Variants in PGA5 observed in about 807,000 individuals in gnomAD.
PGA5 encodes pepsin A-5.
PGA5 carries 19 observed loss-of-function variants against 15.9 expected under a neutral mutation model. That is an observed-to-expected ratio of 1.19 (90% confidence interval 0.83 to 1.75). The LOEUF (loss-of-function observed/expected upper bound fraction) is 1.75. Among genes scored for constraint, PGA5 ranks in the 40% most tolerant of loss-of-function variants. PGA5 has a pLI of 0.00. For synonymous variants in PGA5, 92 were observed against 95.8 expected (o/e 0.96, Z 0.23); for missense variants, 224 against 246.4 (o/e 0.91, Z 0.61).
intron 5 of PGA5, among the ~76,000 whole-genome samples, chr11:61,246,689 G>A (rs935159301): frequency 5.3e-5 from 8 of 151,872 alleles, no homozygotes; most frequent in Non-Finnish European, 8.8e-5. Context: ...GCTTGAGCCT[G>A]GGAGGCATAG....
chr11:61,249,794 G>C lies in PGA5; in HGVS notation c.899G>C (p.Ser300Thr). 1 of 1,613,688 alleles carries C rather than the reference G, an allele frequency of 6.2e-7. No homozygotes were observed. The highest frequency in any genetic ancestry group is 8.5e-7 in the Non-Finnish European group (1 of 1,179,862). The change falls in exon 7 of 9, where the codon AGC (serine) becomes ACC (threonine). Residue 300 changes from serine to threonine, a missense_variant. Ser to Thr is a moderately conservative substitution (Grantham distance 58, BLOSUM62 1). Transcript: ENST00000312403. ...AACATCCAGAGCGACATCGGAGCCA[G>C]CGAGAACTCAGATGGCGACGTGAGT... Reference protein sequence around the residue: ...IANIQSDIGASENSDGDMVVS... With the variant: ...IANIQSDIGATENSDGDMVVS...
intron 8 of PGA5, chr11:61,250,692 G>T (rs748883924): frequency 6.5e-6 from 3 of 464,446 alleles, no homozygotes; most frequent in African/African-American, 4.0e-5. Flanking sequence ...GGCTGCGGGG[G>T]TTCAAAGCTC....
At chr11:61,248,873 A>C (rs1053759562) in intron 6 of PGA5, among the ~76,000 whole-genome samples, 9 of 152,104 alleles carry the variant, frequency 5.9e-5, no homozygotes, top group African/African-American at 1.2e-4. Context: ...GGCTGTGAAC[A>C]AGCACACGCT....
At position 61,249,932 on chromosome 11, in the gene PGA5, C is replaced by T; in HGVS notation, c.935C>T (p.Ser312Leu). Residue 312 changes from serine to leucine, a missense_variant, in exon 8 of 9, where the codon TCA becomes TTA. Coordinates refer to ENST00000312403, the MANE Select transcript of PGA5 (RefSeq NM_014224.5). The part of the protein sequence containing the change: ...NSDGDMVVSC[S>L]AISSLPDIVF... ...TCTTTCCAGATGGTGGTCAGCTGCTCAGCCATCAGCAGCCTGCCCGACATC... is the reference window on the plus strand; with the variant it reads ...TCTTTCCAGATGGTGGTCAGCTGCTTAGCCATCAGCAGCCTGCCCGACATC... The T allele has an allele frequency of 6.2e-7, 1 of 1,613,424 alleles. No individual in the cohort carries two copies. The highest frequency in any genetic ancestry group is 8.5e-7 in the Non-Finnish European group (1 of 1,179,790).
chr11:61,248,006 T>G (rs1411979320), intron 5 of PGA5: 2 of 594,120 alleles, frequency 3.4e-6, no homozygotes, highest in Non-Finnish European at 6.0e-6. Flanking sequence ...GCAAAACTGC[T>G]CCCAGCTAAG....
intron 5 of PGA5, 146 bp downstream of exon 5, chr11:61,246,291 A>G: frequency 3.3e-6 from 1 of 302,828 alleles, no homozygotes; most frequent in South Asian, 2.9e-5. Context: ...AGGCTGGAGA[A>G]GTGTGTCTTT....
chr11:61,247,110 C>G (rs967192705), intron 5 of PGA5, among the ~76,000 whole-genome samples: 2 of 151,964 alleles, frequency 1.3e-5, no homozygotes, highest in Non-Finnish European at 2.9e-5. Flanking sequence ...TCACCTACAT[C>G]GTCCTCTCTT....
chr11:61,248,503 C>T lies in PGA5; in HGVS notation c.741C>T (p.Thr247=), dbSNP rs756096360. Residue 247 remains threonine (T), a synonymous_variant, in exon 6 of 9, where the codon ACC becomes ACT. Coordinates refer to ENST00000312403, the MANE Select transcript of PGA5 (RefSeq NM_014224.5). Reference sequence around the variant, plus strand: ...GAAGTCTGAACTGGGTGCCTGTTACCGTCGAGGGTTACTGGCAGATCACCG... The same window carrying T: ...GAAGTCTGAACTGGGTGCCTGTTACTGTCGAGGGTTACTGGCAGATCACCG... ...YTGSLNWVPV[T]VEGYWQITVD... 4.3e-6 allele frequency: 7 copies of T among 1,612,988 alleles called. No homozygotes were observed. Among genetic ancestry groups the T allele is most frequent in the East Asian group, 2.2e-5 (1 of 44,900 alleles).
intron 5 of PGA5, among the ~76,000 whole-genome samples, chr11:61,247,309 C>T (rs1405482963): frequency 2.0e-5 from 3 of 148,642 alleles, no homozygotes; most frequent in African/African-American, 5.1e-5. Context: ...GATGGGGTCT[C>T]GCTCTGTCGC....
chr11:61,246,387 C>A (rs1169564609), intron 5 of PGA5, among the ~76,000 whole-genome samples: 1 of 151,650 alleles, frequency 6.6e-6, no homozygotes. Context: ...TTGATGTGCA[C>A]AACTCAAATG....
chr11:61,248,490 G>A lies in PGA5; in HGVS notation c.728G>A (p.Trp243Ter). The change falls in exon 6 of 9, where the codon TGG becomes TAG. Residue 243 changes from tryptophan to a stop codon, truncating the protein, a stop_gained. Transcript: ENST00000312403. LOFTEE classifies it high-confidence loss of function. Reference sequence around the variant, plus strand: ...TCTTACTACACTGGAAGTCTGAACTGGGTGCCTGTTACCGTCGAGGGTTAC... The same window carrying A: ...TCTTACTACACTGGAAGTCTGAACTAGGTGCCTGTTACCGTCGAGGGTTAC... ...DSSYYTGSLNWVPVTVEGYWQ... is the reference protein window; with the variant it reads ...DSSYYTGSLN The A allele has an allele frequency of 6.2e-7, 1 of 1,613,546 alleles. No homozygotes were observed. Among genetic ancestry groups the A allele is most frequent in the East Asian group, 2.2e-5 (1 of 44,882 alleles).
rs1171260457 is a variant in PGA5, at chr11:61,249,658, C to G, written c.774-11C>G. The G allele has an allele frequency of 1.9e-6, 3 of 1,613,466 alleles. No homozygotes were observed. The highest frequency in any genetic ancestry group is 2.2e-5 in the East Asian group (1 of 44,890). On this transcript the variant is annotated splice_polypyrimidine_tract_variant and intron_variant, in intron 6 of 8. Transcript: ENST00000312403. ...AGGGCTCAGGGAGCTTAACTTGCTT[C>G]TTACCCTCAGCATCACCATGAACGG...
intron 5 of PGA5, 29 bp from the exon 6 acceptor site, chr11:61,248,390 T>A: frequency 2.5e-6 from 4 of 1,613,786 alleles, no homozygotes; most frequent in Non-Finnish European, 3.4e-6. Flanking sequence ...AACAAAAAAA[T>A]TCATGTCTTC....
At chr11:61,247,548 A>C (rs1854081264) in intron 5 of PGA5, among the ~76,000 whole-genome samples, 1 of 152,028 alleles carries the variant, frequency 6.6e-6, no homozygotes, top group African/African-American at 2.4e-5. Context: ...AAGTGCTGGG[A>C]TTACAGGCAT....
chr11:61,246,598 C>T (rs1435439614), intron 5 of PGA5, among the ~76,000 whole-genome samples: 1 of 151,694 alleles, frequency 6.6e-6, no homozygotes, highest in African/African-American at 2.4e-5. Flanking sequence ...CCTGTCTCTA[C>T]TAAAAAATAC....
At chr11:61,250,351 C>G (rs1854123368) in intron 8 of PGA5, among the ~76,000 whole-genome samples, 1 of 151,410 alleles carries the variant, frequency 6.6e-6, no homozygotes, top group Admixed American at 6.6e-5. Context: ...TTTTCGCATC[C>G]AAAAGGTAGA....
At chr11:61,250,220 C>T (rs566714473) in intron 8 of PGA5, among the ~76,000 whole-genome samples, 1 of 151,338 alleles carries the variant, frequency 6.6e-6, no homozygotes, top group East Asian at 1.9e-4. Flanking sequence ...CCTAAGGGAA[C>T]AAGTGAAGCA....
At chr11:61,248,159 T>A (rs910477397) in intron 5 of PGA5, 53 of 798,096 alleles carry the variant, frequency 6.6e-5, no homozygotes, top group Admixed American at 2.0e-4. Context: ...CCAAACGTAG[T>A]TCCACCACTC....
chr11:61,246,350 T>A (rs1473597013), intron 5 of PGA5, among the ~76,000 whole-genome samples: 1 of 150,606 alleles, frequency 6.6e-6, no homozygotes, highest in Non-Finnish European at 1.5e-5. Context: ...GTGCACTCCA[T>A]CTTATTTTAC....
Sources: gnomAD v4.1 joint callset for allele counts (sites outside exome capture counted in the v4.1 genomes callset) on GRCh38, gnomAD v4.1.1 for gene constraint, MANE v1.5 for transcripts, NCBI Gene and HGNC (gene_info 2026-07-23, HGNC 2026-07-21) for gene names.